PARD3: variants seen among roughly 807,000 people sequenced by gnomAD.
PARD3 encodes the protein par-3 family cell polarity regulator.
In PARD3, 75 loss-of-function variants were observed where a neutral mutation model predicts 155.4. The observed-to-expected ratio is 0.48, with a 90% CI of 0.40 to 0.58. The LOEUF is 0.58. PARD3 is among the 20% of genes least tolerant of loss of function. PARD3 has a pLI of 0.00. For synonymous variants in PARD3, 576 were observed against 610.5 expected (o/e 0.94, Z 0.83); for missense variants, 1,642 against 1,721.7 (o/e 0.95, Z 0.82).
At chr10:34,208,318 C>T (rs987951703) in intron 22 of PARD3, among the ~76,000 whole-genome samples, 2 of 152,218 alleles carry the variant, frequency 1.3e-5, no homozygotes, top group African/African-American at 4.8e-5. Flanking sequence ...TAAGTGAAGA[C>T]TGTCTGCAGG....
intron 7 of PARD3, among the ~76,000 whole-genome samples, chr10:34,387,538 C>T (rs1001852941): frequency 1.3e-5 from 2 of 152,114 alleles, no homozygotes; most frequent in Admixed American, 1.3e-4. Context: ...CCTCAGCCTC[C>T]TGAGTAGCTG....
At chr10:34,681,744 ATATATATATATATATATATATATATTTTT>A (rs1564500123) in intron 2 of PARD3, among the ~76,000 whole-genome samples, 3 of 16,408 alleles carry the variant, frequency 1.8e-4, no homozygotes, top group Non-Finnish European at 3.7e-4. Context: ...ATATATATAT[ATATATATATATATATATATATATATTTTT>A]TTTTTTTTTT....
In PARD3 at chr10:34,225,642, G is replaced by A. The variant is rs148633833; in HGVS notation, c.3419+44015C>T. Among the ~76,000 whole-genome samples, 13 of 152,230 alleles carry A rather than the reference G, an allele frequency of 8.5e-5. No homozygotes were observed. The East Asian group carries it at 2.1e-3, about 25-fold the overall frequency. ...ATTACAGGTGTGAGTCACCATGCCC[G>A]GCCAGACTGGTCTGTTTTAATTATC... On this transcript the variant is annotated intron_variant, in intron 22 of 24. Transcript: ENST00000374788.
chr10:34,710,661 C>T (rs375593804), intron 1 of PARD3, among the ~76,000 whole-genome samples: 6 of 152,200 alleles, frequency 3.9e-5, no homozygotes, highest in African/African-American at 1.4e-4. Context: ...TGTGACCAGC[C>T]TCAGCGTTGC....
chr10:34,132,505 C>T (rs1249640038), intron 22 of PARD3, among the ~76,000 whole-genome samples: 3 of 152,192 alleles, frequency 2.0e-5, no homozygotes, highest in Non-Finnish European at 4.4e-5. Flanking sequence ...AAACATGTAT[C>T]AGGCTCCAAA....
chr10:34,525,558 AG>A (rs2133740508), intron 2 of PARD3, among the ~76,000 whole-genome samples: 1 of 152,360 alleles, frequency 6.6e-6, no homozygotes, highest in Non-Finnish European at 1.5e-5. Flanking sequence ...ACGTGGAAAC[AG>A]GGGTCAACAG....
At chr10:34,529,401 G>A (rs1043244389) in intron 2 of PARD3, among the ~76,000 whole-genome samples, 1 of 152,178 alleles carries the variant, frequency 6.6e-6, no homozygotes, top group African/African-American at 2.4e-5. Flanking sequence ...TGGAATAGCT[G>A]GATCAGCAGT....
intron 20 of PARD3, chr10:34,312,489 C>G (rs1468855775): frequency 2.8e-6 from 3 of 1,053,184 alleles, no homozygotes; most frequent in Non-Finnish European, 4.4e-6. Flanking sequence ...ATCCAAACTA[C>G]GACATTCAGT....
chr10:34,699,284 C>G (rs1011187180), intron 1 of PARD3, among the ~76,000 whole-genome samples: 5 of 152,010 alleles, frequency 3.3e-5, no homozygotes, highest in African/African-American at 1.2e-4. Flanking sequence ...AAGAACTGAG[C>G]AGGAGATCAA....
intron 2 of PARD3, among the ~76,000 whole-genome samples, chr10:34,611,936 C>CG (rs912377752): frequency 1.5e-5 from 2 of 132,932 alleles, no homozygotes; most frequent in African/African-American, 5.4e-5. Flanking sequence ...CAGCGCCCCC[C>CG]CTACCCCCCC....
intron 2 of PARD3, among the ~76,000 whole-genome samples, chr10:34,695,928 A>G (rs930876538): frequency 3.3e-5 from 5 of 152,224 alleles, no homozygotes; most frequent in Non-Finnish European, 7.3e-5. Flanking sequence ...CTCAGGGCCA[A>G]CGCTGGGACC....
At chr10:34,218,075 T>C (rs1479344377) in intron 22 of PARD3, among the ~76,000 whole-genome samples, 1 of 152,012 alleles carries the variant, frequency 6.6e-6, no homozygotes, top group East Asian at 1.9e-4. Flanking sequence ...CCCTGAAACA[T>C]CACTCATCAC....
intron 1 of PARD3, among the ~76,000 whole-genome samples, chr10:34,700,744 G>A (rs2094259166): frequency 6.6e-6 from 1 of 152,180 alleles, no homozygotes; most frequent in African/African-American, 2.4e-5. Flanking sequence ...GGCTGAGGCA[G>A]GTGGGTCACC....
At chr10:34,156,660 C>T (rs575095843) in intron 22 of PARD3, among the ~76,000 whole-genome samples, 10 of 152,128 alleles carry the variant, frequency 6.6e-5, no homozygotes, top group Non-Finnish European at 1.5e-4. Context: ...CCTCATGGTA[C>T]CCCTAAGTCA....
intron 3 of PARD3, among the ~76,000 whole-genome samples, chr10:34,511,393 C>A (rs2081390232): frequency 6.6e-6 from 1 of 152,148 alleles, no homozygotes; most frequent in Admixed American, 6.5e-5. Flanking sequence ...GAGTACCTGA[C>A]ACTGGTAATT....
chr10:34,762,376 C>G (rs554256190), intron 1 of PARD3, among the ~76,000 whole-genome samples: 1 of 151,936 alleles, frequency 6.6e-6, no homozygotes, highest in South Asian at 2.1e-4. Context: ...TCACTGCAGA[C>G]TCAACCTCCC....
At chr10:34,602,109 T>C (rs527827130) in intron 2 of PARD3, among the ~76,000 whole-genome samples, 11 of 152,322 alleles carry the variant, frequency 7.2e-5, no homozygotes, top group Admixed American at 2.0e-4. Context: ...CTCTACTGTC[T>C]TACTGAACAC....
intron 20 of PARD3, among the ~76,000 whole-genome samples, chr10:34,298,584 CG>C (rs910503191): frequency 1.1e-4 from 16 of 151,944 alleles, no homozygotes; most frequent in Admixed American, 9.2e-4. Context: ...TTTCCAGGGA[CG>C]GGGGAAGAGG....
chr10:34,757,391 A>G (rs1836875634), intron 1 of PARD3, among the ~76,000 whole-genome samples: 1 of 152,054 alleles, frequency 6.6e-6, no homozygotes, highest in African/African-American at 2.4e-5. Context: ...CCACTTCCTG[A>G]CTCTTAAATT....
Sources: gnomAD v4.1 joint callset for allele counts (sites outside exome capture counted in the v4.1 genomes callset) on GRCh38, gnomAD v4.1.1 for gene constraint, MANE v1.5 for transcripts, NCBI Gene and HGNC (gene_info 2026-07-23, HGNC 2026-07-21) for gene names.